MYO18B: variants seen among roughly 807,000 people sequenced by gnomAD.
MYO18B encodes unconventional myosin-XVIIIb.
MYO18B carries 204 observed loss-of-function variants against 273.0 expected under a neutral mutation model. That is an observed-to-expected ratio of 0.75 (90% CI 0.67 to 0.84). MYO18B has a LOEUF of 0.84. Among genes scored for constraint, MYO18B ranks in the 40% least tolerant of loss-of-function variants. The pLI is 0.00. For missense variants in MYO18B, 3,212 were observed against 3,287.6 expected (o/e 0.98, Z 0.56); for synonymous variants, 1,330 against 1,305.7 (o/e 1.02, Z -0.40).
Position 25,823,184 on chromosome 22 carries a change from G to A in MYO18B, c.2522-321G>A, listed in dbSNP as rs142511145. 2.1e-3 allele frequency among the ~76,000 whole-genome samples: 327 copies of A among 152,302 alleles called. 7 individuals carry two copies. The highest frequency in any genetic ancestry group is 0.017 in the Admixed American group (255 of 15,310). ...CCTGGATGGGTAGGTAAATGGATAT[G>A]TGGGTGGGTGAATCAATCATAATTT... On this transcript the variant is annotated intron_variant, in intron 12 of 43. Coordinates refer to ENST00000335473, the MANE Select transcript of MYO18B (RefSeq NM_032608.7).
At chr22:25,931,288 AT>A (rs1478914019) in intron 34 of MYO18B, among the ~76,000 whole-genome samples, 1 of 152,228 alleles carries the variant, frequency 6.6e-6, no homozygotes, top group Non-Finnish European at 1.5e-5. Flanking sequence ...GCTATGATGA[AT>A]GAAGTGGGAA....
intron 19 of MYO18B, among the ~76,000 whole-genome samples, chr22:25,847,180 T>C (rs2090276391): frequency 6.6e-6 from 1 of 152,180 alleles, no homozygotes; most frequent in Non-Finnish European, 1.5e-5. Context: ...GTCCCAGCTG[T>C]TCTGCCACTG....
chr22:25,927,960 A>T (rs926762212), intron 34 of MYO18B, among the ~76,000 whole-genome samples: 3 of 152,180 alleles, frequency 2.0e-5, no homozygotes, highest in African/African-American at 7.2e-5. Context: ...AGCTTTGGTT[A>T]TCTCTTTAAA....
intron 25 of MYO18B, among the ~76,000 whole-genome samples, chr22:25,884,447 T>G (rs1370104222): frequency 6.6e-6 from 1 of 152,184 alleles, no homozygotes; most frequent in Non-Finnish European, 1.5e-5. Flanking sequence ...TCTTAGGCTA[T>G]TAGGATCTGT....
chr22:25,786,183 G>A (rs1165691020), intron 11 of MYO18B, among the ~76,000 whole-genome samples: 1 of 152,186 alleles, frequency 6.6e-6, no homozygotes, highest in Admixed American at 6.5e-5. Flanking sequence ...CTGAGTGCTA[G>A]GAGTATGATC....
At chr22:25,758,416 G>A (rs141711162) in intron 1 of MYO18B, among the ~76,000 whole-genome samples, 43 of 150,764 alleles carry the variant, frequency 2.9e-4, no homozygotes, top group Admixed American at 6.0e-4. Flanking sequence ...TATTCGTAGT[G>A]CCCCTAAAGT....
chr22:26,003,199 A>G, intron 40 of MYO18B, 66 bp from the exon 41 acceptor site: 1 of 1,427,442 alleles, frequency 7.0e-7, no homozygotes, highest in South Asian at 1.2e-5. Context: ...GTCTAACGTC[A>G]ATAACCATGC....
intron 39 of MYO18B, among the ~76,000 whole-genome samples, chr22:25,979,286 A>G (rs1270467671): frequency 6.6e-6 from 1 of 152,320 alleles, no homozygotes; most frequent in Non-Finnish European, 1.5e-5. Flanking sequence ...TGGCAGTATG[A>G]TGTGGGAAGT....
intron 25 of MYO18B, 34 bp from the exon 26 acceptor site, chr22:25,890,722 G>A: frequency 6.2e-7 from 1 of 1,611,720 alleles, no homozygotes; most frequent in Non-Finnish European, 8.5e-7. Flanking sequence ...TCCATCGAGT[G>A]ACCGTTCCTT....
intron 39 of MYO18B, among the ~76,000 whole-genome samples, chr22:25,963,000 G>T (rs1231958256): frequency 6.6e-6 from 1 of 152,000 alleles, no homozygotes; most frequent in Non-Finnish European, 1.5e-5. Context: ...CCTACTGCAT[G>T]CCAATTGCAA....
At chr22:25,853,309 C>A (rs2090477055) in intron 21 of MYO18B, among the ~76,000 whole-genome samples, 1 of 152,232 alleles carries the variant, frequency 6.6e-6, no homozygotes, top group South Asian at 2.1e-4. Context: ...TGTAAAGTCA[C>A]AATTCTTAGG....
intron 12 of MYO18B, among the ~76,000 whole-genome samples, chr22:25,819,651 C>T (rs1360470093): frequency 6.6e-6 from 1 of 152,090 alleles, no homozygotes; most frequent in African/African-American, 2.4e-5. Context: ...AATGAATTCT[C>T]ATTTAACATA....
At chr22:25,840,547 C>T (rs892680220) in intron 17 of MYO18B, among the ~76,000 whole-genome samples, 4 of 152,248 alleles carry the variant, frequency 2.6e-5, no homozygotes, top group African/African-American at 9.6e-5. Flanking sequence ...GTGACAGGGG[C>T]GAGGCTGGTC....
At chr22:26,026,325 A>G in intron 42 of MYO18B, 120 bp from the exon 43 acceptor site, 1 of 1,133,176 alleles carries the variant, frequency 8.8e-7, no homozygotes, top group Non-Finnish European at 1.3e-6. Context: ...AGAGTGCGGT[A>G]GGGATGGTAT....
chr22:26,004,073 T>C (rs1283046141), intron 41 of MYO18B, among the ~76,000 whole-genome samples: 1 of 151,284 alleles, frequency 6.6e-6, no homozygotes, highest in Non-Finnish European at 1.5e-5. Flanking sequence ...GAGCGTCCTA[T>C]TAAAAAACTA....
intron 9 of MYO18B, 78 bp downstream of exon 9, chr22:25,780,276 G>A (rs1253592955): frequency 3.5e-5 from 51 of 1,475,826 alleles, no homozygotes; most frequent in Non-Finnish European, 4.0e-5. Flanking sequence ...CAGAGCCCAC[G>A]CCTCCAGCTG....
At chr22:25,792,498 T>TTTTTTA (rs1555893174) in intron 11 of MYO18B, among the ~76,000 whole-genome samples, 1 of 17,598 alleles carries the variant, frequency 5.7e-5, no homozygotes, top group Admixed American at 9.4e-4. Context: ...TTTTCTTTTC[T>TTTTTTA]TTTTTTTTTT....
Position 26,027,759 on chromosome 22 carries a change from G to A in MYO18B, c.*12+69G>A, listed in dbSNP as rs542909889. 47 of 1,446,008 alleles carry A rather than the reference G, an allele frequency of 3.3e-5. No homozygotes were observed. In the East Asian group the frequency reaches 1.1e-3, roughly 35 times the overall value. 89.6% of individuals were successfully genotyped at this position (1,446,008 alleles called of 1,614,324 possible). ...CACCTTGCAGCCTTGGGGAGAGCAG[G>A]TGCCACTACTGTCCTTAATGCCACA... On this transcript the variant is annotated intron_variant, in intron 43 of 43. Transcript: ENST00000335473. The surrounding 1 kb of genome is among the most constrained non-coding windows in gnomAD (Gnocchi z 4.1).
intron 27 of MYO18B, 129 bp downstream of exon 27, chr22:25,891,541 A>G: frequency 1.6e-6 from 1 of 639,232 alleles, no homozygotes; most frequent in Non-Finnish European, 2.8e-6. Flanking sequence ...TGGCAGAGCA[A>G]ACAGGCACAG....
Sources: allele counts gnomAD v4.1 joint callset (sites outside exome capture counted in the v4.1 genomes callset), GRCh38; gene constraint gnomAD v4.1.1; non-coding constraint Gnocchi (gnomAD v3.1); transcripts MANE v1.5; gene names NCBI Gene and HGNC (gene_info 2026-07-23, HGNC 2026-07-21).